The following RTN4 variants were observed in gnomAD, a reference collection of about 807,000 sequenced individuals.
RTN4 encodes reticulon-4.
Under a neutral mutation model 90.4 loss-of-function variants are expected in RTN4, and 32 were observed. The ratio of observed to expected loss-of-function variants is 0.35; its 90% confidence interval spans 0.27 to 0.48. RTN4 has a LOEUF of 0.48. Among genes scored for constraint, RTN4 ranks in the 20% least tolerant of loss-of-function variants. RTN4 has a pLI of 0.99. For synonymous variants in RTN4, 629 were observed against 552.5 expected (o/e 1.14, Z -1.94); for missense variants, 1,706 against 1,430.2 (o/e 1.19, Z -3.11).
At chr2:55,045,849 TC>T (rs772334436) in intron 1 of RTN4, among the ~76,000 whole-genome samples, 4 of 152,196 alleles carry the variant, frequency 2.6e-5, no homozygotes, top group Admixed American at 6.5e-5. Context: ...CAGTTCGAAG[TC>T]ACCCTTAATT....
At chr2:54,994,726 A>C (rs993038506) in intron 3 of RTN4, among the ~76,000 whole-genome samples, 3 of 152,210 alleles carry the variant, frequency 2.0e-5, no homozygotes, top group Admixed American at 6.5e-5. Flanking sequence ...CTGGCCAAGA[A>C]AAAGACATAC....
intron 2 of RTN4, among the ~76,000 whole-genome samples, chr2:55,069,997 C>T (rs1025822444): frequency 6.6e-6 from 1 of 152,068 alleles, no homozygotes; most frequent in African/African-American, 2.4e-5. Flanking sequence ...TATTGAACTC[C>T]CTTTTAAAAT....
intron 2 of RTN4, among the ~76,000 whole-genome samples, chr2:55,077,213 C>T (rs1325126039): frequency 6.6e-6 from 1 of 151,934 alleles, no homozygotes; most frequent in Admixed American, 6.6e-5. Context: ...CGGGGTTTCA[C>T]CGTGTTAGCC....
intron 1 of RTN4, among the ~76,000 whole-genome samples, chr2:55,100,142 A>G (rs1667826972): frequency 6.6e-6 from 1 of 152,182 alleles, no homozygotes; most frequent in Non-Finnish European, 1.5e-5. Context: ...AATGGCATTC[A>G]TAAGGTCACC....
At chr2:55,104,181 G>A (rs1466563798) in intron 1 of RTN4, among the ~76,000 whole-genome samples, 1 of 150,926 alleles carries the variant, frequency 6.6e-6, no homozygotes, top group Non-Finnish European at 1.5e-5. Context: ...CTCCCCAGCA[G>A]CTAAGATTAC....
intron 1 of RTN4, among the ~76,000 whole-genome samples, chr2:55,034,279 T>C (rs1403356342): frequency 2.6e-5 from 4 of 152,112 alleles, no homozygotes; most frequent in Middle Eastern, 3.2e-3. Flanking sequence ...GGTAGGAGGA[T>C]TGCTTGAGCC....
At chr2:55,062,420 G>A (rs1573491261) in intron 2 of RTN4, among the ~76,000 whole-genome samples, 1 of 152,314 alleles carries the variant, frequency 6.6e-6, no homozygotes, top group South Asian at 2.1e-4. Flanking sequence ...AGACACTGCC[G>A]TGGGGTCAGA....
intron 3 of RTN4, 151 bp downstream of exon 3, chr2:55,024,935 C>T: frequency 1.0e-6 from 1 of 976,128 alleles, no homozygotes; most frequent in Non-Finnish European, 1.5e-6. Context: ...AGAAAAAGCA[C>T]TAAAACCTTT....
At position 55,103,848 on chromosome 2, in the gene RTN4, C is replaced by T. The variant is rs538002283; in HGVS notation, c.-214+8672G>A. Reference sequence around the variant, plus strand: ...TAGCTAGAATTACAGGCTCCCACCACCACACCCGCCTAATTTTTGTATATT... The same window carrying T: ...TAGCTAGAATTACAGGCTCCCACCATCACACCCGCCTAATTTTTGTATATT... On this transcript the variant is annotated intron_variant, in intron 1 of 3. Coordinates refer to the RTN4 transcript ENST00000427710. Among the ~76,000 whole-genome samples, 17 of 151,946 alleles carry T rather than the reference C, an allele frequency of 1.1e-4. No individual in the cohort carries two copies. In the South Asian group the frequency reaches 3.1e-3, roughly 28 times the overall value.
chr2:55,052,845 C>G (rs1207967106), upstream of RTN4, among the ~76,000 whole-genome samples: 1 of 152,088 alleles, frequency 6.6e-6, no homozygotes, highest in Non-Finnish European at 1.5e-5. Flanking sequence ...TATGACTGTT[C>G]TGAAATTCCT....
intron 1 of RTN4, among the ~76,000 whole-genome samples, chr2:55,084,512 G>A (rs1163664603): frequency 1.3e-5 from 2 of 152,072 alleles, no homozygotes; most frequent in African/African-American, 4.8e-5. Flanking sequence ...AGCCATTCTA[G>A]CAAATGATTG....
intron 2 of RTN4, among the ~76,000 whole-genome samples, chr2:55,058,485 C>T (rs751164220): frequency 5.3e-5 from 8 of 152,206 alleles, no homozygotes; most frequent in Non-Finnish European, 1.2e-4. Flanking sequence ...TGCCAGCTAC[C>T]AGCCACTTTC....
At chr2:55,098,566 A>C (rs1667793986) in intron 1 of RTN4, among the ~76,000 whole-genome samples, 1 of 152,056 alleles carries the variant, frequency 6.6e-6, no homozygotes. Context: ...AGTTTTTTAA[A>C]ACCATAATAT....
At chr2:55,074,748 TA>T (rs901493391) in intron 2 of RTN4, among the ~76,000 whole-genome samples, 5 of 152,248 alleles carry the variant, frequency 3.3e-5, no homozygotes, top group African/African-American at 9.6e-5. Flanking sequence ...ATGGGTTTCA[TA>T]ACAGGAATAA....
chr2:55,007,587 A>C (rs1680321045), intron 3 of RTN4, among the ~76,000 whole-genome samples: 1 of 152,080 alleles, frequency 6.6e-6, no homozygotes. Context: ...ATATACCAGA[A>C]CCAAGGCTTA....
At chr2:55,067,293 A>G (rs1221601572) in intron 2 of RTN4, among the ~76,000 whole-genome samples, 1 of 152,228 alleles carries the variant, frequency 6.6e-6, no homozygotes, top group Non-Finnish European at 1.5e-5. Flanking sequence ...TGATGCATGT[A>G]AAAACACTTT....
chr2:55,110,217 G>A (rs1010832917), intron 1 of RTN4, among the ~76,000 whole-genome samples: 1 of 151,564 alleles, frequency 6.6e-6, no homozygotes, highest in Non-Finnish European at 1.5e-5. Flanking sequence ...AGGCTGAGGT[G>A]GGAGGATTGC....
chr2:55,008,727 ATGT>A (rs1680415532), intron 3 of RTN4, among the ~76,000 whole-genome samples: 2 of 152,142 alleles, frequency 1.3e-5, no homozygotes, highest in Admixed American at 1.3e-4. Context: ...AGAACTTAAG[ATGT>A]TATTTAATGA....
At chr2:55,068,650 A>G (rs149557067) in intron 2 of RTN4, among the ~76,000 whole-genome samples, 3,472 of 120,846 alleles carry the variant, frequency 0.029, 74 homozygotes, top group South Asian at 0.045. Flanking sequence ...CGCTCTTTCA[A>G]GTGAAAAATG....
Sources: gnomAD v4.1 joint callset for allele counts (sites outside exome capture counted in the v4.1 genomes callset) on GRCh38, gnomAD v4.1.1 for gene constraint, MANE v1.5 for transcripts, NCBI Gene and HGNC (gene_info 2026-07-23, HGNC 2026-07-21) for gene names.